The following ARNT2 variants were observed in gnomAD, a reference collection of about 807,000 sequenced individuals.
The protein encoded by ARNT2 is ARNT protein 2.
A neutral mutation model predicts 91.7 loss-of-function variants in ARNT2; 36 were observed. The ratio of observed to expected loss-of-function variants is 0.39; its 90% confidence interval spans 0.30 to 0.52. ARNT2 has a LOEUF of 0.52. ARNT2 is among the 20% of genes least tolerant of loss of function. The pLI, the probability that ARNT2 is intolerant of heterozygous loss-of-function variation, is 0.72. For missense variants in ARNT2, 775 were observed against 939.3 expected (o/e 0.83, Z 2.29); for synonymous variants, 365 against 347.1 (o/e 1.05, Z -0.57).
chr15:80,588,998 T>TTAGG (rs1893226831), intron 17 of ARNT2, among the ~76,000 whole-genome samples: 1 of 152,114 alleles, frequency 6.6e-6, no homozygotes, highest in Admixed American at 6.6e-5. Flanking sequence ...ATTTGCCAAG[T>TTAGG]GAATAAATGA....
intron 14 of ARNT2, 137 bp downstream of exon 14, chr15:80,575,247 C>T: frequency 1.7e-6 from 2 of 1,208,878 alleles, no homozygotes; most frequent in Non-Finnish European, 2.3e-6. Context: ...TATAAAAATA[C>T]ACGAGTTGGA....
At chr15:80,506,467 A>G (rs1184192858) in intron 5 of ARNT2, among the ~76,000 whole-genome samples, 1 of 152,218 alleles carries the variant, frequency 6.6e-6, no homozygotes, top group Non-Finnish European at 1.5e-5. Context: ...GTTAGACTCA[A>G]TCATCAGAAT....
intron 1 of ARNT2, among the ~76,000 whole-genome samples, chr15:80,425,237 G>T (rs899856290): frequency 6.6e-6 from 1 of 152,184 alleles, no homozygotes; most frequent in African/African-American, 2.4e-5. Context: ...AGAGTGTTGT[G>T]CAGTCTTTGA....
At chr15:80,517,742 G>T (rs1413559905) in intron 8 of ARNT2, among the ~76,000 whole-genome samples, 1 of 150,874 alleles carries the variant, frequency 6.6e-6, no homozygotes, top group East Asian at 2.0e-4. Context: ...GCCTACTGAT[G>T]AGTCTATCAA....
chr15:80,551,002 A>G (rs1898071271), intron 8 of ARNT2, 197 bp from the exon 9 acceptor site: 2 of 561,696 alleles, frequency 3.6e-6, no homozygotes, highest in Non-Finnish European at 3.2e-6. Flanking sequence ...ATAATGTACC[A>G]TAAAATTATC....
chr15:80,572,566 G>A (rs942417559), intron 12 of ARNT2, among the ~76,000 whole-genome samples: 3 of 151,858 alleles, frequency 2.0e-5, no homozygotes, highest in Non-Finnish European at 2.9e-5. Flanking sequence ...AGGGGAGGTG[G>A]CCTGTGGGCA....
chr15:80,438,726 G>C (rs1896133843), intron 1 of ARNT2, among the ~76,000 whole-genome samples: 1 of 152,196 alleles, frequency 6.6e-6, no homozygotes, highest in African/African-American at 2.4e-5. Context: ...GTCTGGCACT[G>C]TCACGTGGGC....
intron 5 of ARNT2, among the ~76,000 whole-genome samples, chr15:80,475,746 A>T (rs1336367028): frequency 6.6e-6 from 1 of 152,196 alleles, no homozygotes; most frequent in South Asian, 2.1e-4. Flanking sequence ...ATTAGTATAC[A>T]TTACCACTAG....
At chr15:80,500,847 C>T (rs1405887645) in intron 5 of ARNT2, among the ~76,000 whole-genome samples, 1 of 152,116 alleles carries the variant, frequency 6.6e-6, no homozygotes, top group Non-Finnish European at 1.5e-5. Flanking sequence ...GGCTGTTTTC[C>T]AATAAAACTT....
chr15:80,523,713 G>T (rs534187458), intron 8 of ARNT2, among the ~76,000 whole-genome samples: 1 of 152,256 alleles, frequency 6.6e-6, no homozygotes, highest in Non-Finnish European at 1.5e-5. Flanking sequence ...CTTATGGATG[G>T]GAGTGAGAAA....
chr15:80,414,710 C>A (rs1203374736), intron 1 of ARNT2, among the ~76,000 whole-genome samples: 1 of 151,896 alleles, frequency 6.6e-6, no homozygotes, highest in South Asian at 2.1e-4. Context: ...GATTCCAAGT[C>A]CCCCAAAGAA....
intron 18 of ARNT2, among the ~76,000 whole-genome samples, chr15:80,593,002 A>G (rs564720113): frequency 2.6e-5 from 4 of 152,340 alleles, no homozygotes; most frequent in Admixed American, 2.0e-4. Flanking sequence ...TTTCTCACAG[A>G]GTATCACATG....
intron 5 of ARNT2, among the ~76,000 whole-genome samples, chr15:80,483,532 G>T (rs1896921834): frequency 6.6e-6 from 1 of 152,186 alleles, no homozygotes. Context: ...CAGGGGAAAT[G>T]TGTATGGCAG....
At position 80,565,625 on chromosome 15, in the gene ARNT2, G is replaced by T. The variant is rs370765103; in HGVS notation, c.1316+2386G>T. Among the ~76,000 whole-genome samples the T allele has an allele frequency of 2.2e-4, 34 of 151,686 alleles. No individual in the cohort carries two copies. In the South Asian group the frequency reaches 6.9e-3, roughly 31 times the overall value. ...TGGTTTTGATTTGCATTTCTCTGGT[G>T]GTTAGCGATGATGAGCATTTTTTTC... On this transcript the variant is annotated intron_variant, in intron 12 of 18. Transcript: ENST00000303329.
chr15:80,579,476 C>G (rs1898751894), intron 15 of ARNT2, among the ~76,000 whole-genome samples: 1 of 152,094 alleles, frequency 6.6e-6, no homozygotes, highest in African/African-American at 2.4e-5. Context: ...TAAAATTTTA[C>G]CCAATCTCTG....
In ARNT2 at chr15:80,591,621, T is replaced by A; in HGVS notation, c.1972T>A (p.Ser658Thr). The A allele has an allele frequency of 6.8e-6, 11 of 1,614,154 alleles. No individual in the cohort carries two copies. Among genetic ancestry groups the A allele is most frequent in the African/African-American group, 2.7e-5 (2 of 75,042 alleles). ...CCAAGGGCGGCCCTCGGAAGTCTGG[T>A]CGCAGTGGCAAAGCCAGCACCATGG... ...QFQGRPSEVW[S>T]QWQSQHHGQQ... Residue 658 changes from serine to threonine, a missense_variant, in exon 18 of 19, where the codon TCG becomes ACG. By Grantham distance (58) the Ser-to-Thr change is moderately conservative. This residue lies in a region of ARNT2 where 325 missense variants were observed against 359.9 expected (regional missense o/e 0.90). Coordinates refer to ENST00000303329, the MANE Select transcript of ARNT2 (RefSeq NM_014862.4). This position sits in a 1 kb window ranked among gnomAD's most constrained non-coding sequence, Gnocchi z 5.1.
intron 5 of ARNT2, among the ~76,000 whole-genome samples, chr15:80,485,023 A>G (rs889052946): frequency 1.3e-5 from 2 of 152,214 alleles, no homozygotes; most frequent in African/African-American, 4.8e-5. Flanking sequence ...TCAATGACAT[A>G]TGGGATAGTA....
Position 80,593,779 on chromosome 15 carries a change from G to T in ARNT2, c.*81G>T, listed in dbSNP as rs988188341. The T allele has an allele frequency of 1.6e-6, 2 of 1,276,512 alleles. No homozygotes were observed. The highest frequency in any genetic ancestry group is 2.2e-6 in the Non-Finnish European group (2 of 916,656). 79.1% of individuals were successfully genotyped at this position (1,276,512 alleles called of 1,614,324 possible). A position where few individuals can be genotyped will look rare whatever the true frequency, so the allele number is the denominator to read the frequency against. ...GCCCATGTGAATGAGGCCCACCCTCGCCCTGCTTGCCCTGCCGCAGGCCCC... is the reference window on the plus strand; with the variant it reads ...GCCCATGTGAATGAGGCCCACCCTCTCCCTGCTTGCCCTGCCGCAGGCCCC... On this transcript the variant is annotated 3_prime_UTR_variant, in exon 19 of 19. Transcript: ENST00000303329.
At chr15:80,488,679 A>C (rs1349664022) in intron 5 of ARNT2, 1 of 152,166 alleles carries the variant, frequency 6.6e-6, no homozygotes, top group Non-Finnish European at 1.5e-5. Context: ...ACTGCTCCCC[A>C]ATGCGACCCC....
Sources: gnomAD v4.1 joint callset for allele counts (sites outside exome capture counted in the v4.1 genomes callset) on GRCh38, gnomAD v4.1.1 for gene constraint, gnomAD v4.1.1 regional missense constraint, Gnocchi (gnomAD v3.1) non-coding constraint, MANE v1.5 for transcripts, NCBI Gene and HGNC (gene_info 2026-07-23, HGNC 2026-07-21) for gene names.